The following RNF150 variants were observed in gnomAD, a reference collection of about 807,000 sequenced individuals.
RNF150 encodes the protein ring finger protein 150.
Under a neutral mutation model 39.3 loss-of-function variants are expected in RNF150, and 24 were observed. The observed-to-expected ratio is 0.61, with a 90% CI of 0.44 to 0.86. RNF150 has a LOEUF of 0.86. RNF150 is among the 40% of genes least tolerant of loss of function. RNF150 has a pLI of 0.00. For synonymous variants in RNF150, 255 were observed against 227.3 expected, an observed-to-expected ratio of 1.12 and a Z score of -1.10; for missense variants, 502 against 587.8, an observed-to-expected ratio of 0.85 and a Z score of 1.51.
At chr4:141,025,509 A>G (rs1287156589) in intron 1 of RNF150, among the ~76,000 whole-genome samples, 5 of 152,168 alleles carry the variant, frequency 3.3e-5, no homozygotes, top group African/African-American at 7.2e-5. Flanking sequence ...AAAGATATTT[A>G]GAAAGAAAAA....
intron 6 of RNF150, among the ~76,000 whole-genome samples, chr4:140,885,107 CA>C (rs1729514611): frequency 6.6e-6 from 1 of 151,914 alleles, no homozygotes; most frequent in Admixed American, 6.6e-5. Flanking sequence ...CTGTCACTTC[CA>C]AACAGTTTTT....
chr4:141,188,150 T>C (rs1444170830), intron 1 of RNF150, among the ~76,000 whole-genome samples: 2 of 152,194 alleles, frequency 1.3e-5, no homozygotes, highest in African/African-American at 4.8e-5. Context: ...AAAATTCTTT[T>C]CTTTAAGAAC....
chr4:141,027,188 G>A lies in RNF150; in HGVS notation c.485-59315C>T, dbSNP rs145539221. On this transcript the variant is annotated intron_variant, in intron 1 of 6. Coordinates refer to ENST00000515673, the MANE Select transcript of RNF150 (RefSeq NM_020724.2). ...CAACTGAAGAAGGAAAAACGTCCCCGGAATGCAGTGAATCCAGGTCATGGA... is the reference window on the plus strand; with the variant it reads ...CAACTGAAGAAGGAAAAACGTCCCCAGAATGCAGTGAATCCAGGTCATGGA... Among the ~76,000 whole-genome samples, 465 of 152,216 alleles carry A rather than the reference G, an allele frequency of 3.1e-3. 5 individuals carry two copies. Among genetic ancestry groups the A allele is most frequent in the African/African-American group, 0.011 (446 of 41,534 alleles).
intron 1 of RNF150, among the ~76,000 whole-genome samples, chr4:141,145,772 T>C (rs1391850687): frequency 2.0e-5 from 3 of 152,228 alleles, no homozygotes; most frequent in South Asian, 4.1e-4. Context: ...CAGAAGTCTC[T>C]CATGGGTCAG....
chr4:141,071,438 C>T (rs62327676), intron 1 of RNF150, among the ~76,000 whole-genome samples: 10,495 of 151,386 alleles, frequency 0.069, 396 homozygotes, highest in African/African-American at 0.11. Context: ...TTTTTAAGAG[C>T]TGAAGACCTC....
chr4:141,052,513 C>T (rs1285431651), intron 1 of RNF150, among the ~76,000 whole-genome samples: 1 of 152,028 alleles, frequency 6.6e-6, no homozygotes, highest in Non-Finnish European at 1.5e-5. Flanking sequence ...GTAGCTAGGA[C>T]TATAGGCATG....
At chr4:140,918,165 A>T (rs1730926608) in intron 5 of RNF150, among the ~76,000 whole-genome samples, 1 of 152,234 alleles carries the variant, frequency 6.6e-6, no homozygotes, top group Non-Finnish European at 1.5e-5. Flanking sequence ...TTTGAAAGCT[A>T]GCAGAAAGCA....
At chr4:140,962,063 T>G (rs1042653260) in intron 2 of RNF150, among the ~76,000 whole-genome samples, 27 of 111,964 alleles carry the variant, frequency 2.4e-4, no homozygotes, top group African/African-American at 7.5e-4. Context: ...TCTCTCTCTC[T>G]CTTCTCTCTC....
chr4:141,175,042 C>A (rs1727786243), intron 1 of RNF150, among the ~76,000 whole-genome samples: 1 of 152,096 alleles, frequency 6.6e-6, no homozygotes, highest in Non-Finnish European at 1.5e-5. Flanking sequence ...GAAGCCAGAC[C>A]AAAGGCAAAA....
intron 1 of RNF150, among the ~76,000 whole-genome samples, chr4:141,153,468 A>C (rs1046576412): frequency 1.3e-5 from 2 of 152,180 alleles, no homozygotes; most frequent in Non-Finnish European, 2.9e-5. Flanking sequence ...GGGGCCTCAG[A>C]AGAAACCAAC....
At chr4:140,924,225 C>T (rs541096866) in intron 5 of RNF150, among the ~76,000 whole-genome samples, 4 of 152,270 alleles carry the variant, frequency 2.6e-5, no homozygotes, top group Admixed American at 2.0e-4. Context: ...GGCATCAAAC[C>T]ATGGCCAGAA....
chr4:141,096,099 TA>T (rs1264640505), intron 1 of RNF150, among the ~76,000 whole-genome samples: 2 of 152,072 alleles, frequency 1.3e-5, no homozygotes, highest in Non-Finnish European at 2.9e-5. Flanking sequence ...TCTTATTTGA[TA>T]TGCTGCTGTT....
intron 5 of RNF150, among the ~76,000 whole-genome samples, chr4:140,918,290 A>G (rs886219002): frequency 4.6e-5 from 7 of 152,286 alleles, no homozygotes; most frequent in Admixed American, 4.6e-4. Context: ...TTGATAGACC[A>G]CTAGCAAGAC....
At chr4:140,877,367 A>G (rs1729197070) in intron 6 of RNF150, among the ~76,000 whole-genome samples, 1 of 152,214 alleles carries the variant, frequency 6.6e-6, no homozygotes, top group African/African-American at 2.4e-5. Context: ...CTTAAACATT[A>G]AGCATAATAT....
intron 2 of RNF150, among the ~76,000 whole-genome samples, chr4:140,952,805 A>AG (rs532236499): frequency 1.5e-3 from 224 of 152,334 alleles, no homozygotes; most frequent in Non-Finnish European, 1.5e-3. Flanking sequence ...TAATAGATTG[A>AG]GGGAAAGAGA....
intron 1 of RNF150, among the ~76,000 whole-genome samples, chr4:140,976,890 C>G (rs763140056): frequency 1.3e-5 from 2 of 152,036 alleles, no homozygotes; most frequent in Non-Finnish European, 2.9e-5. Context: ...TGATCACTAT[C>G]CTCAGTTGAA....
chr4:141,201,827 G>A (rs779838874), intron 1 of RNF150, among the ~76,000 whole-genome samples: 11 of 152,070 alleles, frequency 7.2e-5, no homozygotes, highest in South Asian at 6.2e-4. Context: ...CTTGTGCTAT[G>A]GTCTGAATGT....
At chr4:141,149,719 C>T (rs750386927) in intron 1 of RNF150, among the ~76,000 whole-genome samples, 1 of 152,092 alleles carries the variant, frequency 6.6e-6, no homozygotes, top group South Asian at 2.1e-4. Context: ...GTATCTTTTT[C>T]GTATGACTTC....
intron 5 of RNF150, among the ~76,000 whole-genome samples, chr4:140,921,076 CG>C (rs1731109370): frequency 6.7e-6 from 1 of 148,290 alleles, no homozygotes; most frequent in Non-Finnish European, 1.5e-5. Context: ...ATATACCTAA[CG>C]CTAAATGACG....
Sources: allele counts gnomAD v4.1 joint callset (sites outside exome capture counted in the v4.1 genomes callset), GRCh38; gene constraint gnomAD v4.1.1; transcripts MANE v1.5; gene names NCBI Gene and HGNC (gene_info 2026-07-23, HGNC 2026-07-21).